The following PDZD2 variants were observed in gnomAD, a reference collection of about 807,000 sequenced individuals.
The protein encoded by PDZD2 is PDZ domain-containing protein 2.
In PDZD2, 90 loss-of-function variants were observed where a neutral mutation model predicts 220.7. That is an observed-to-expected ratio of 0.41 (90% CI 0.34 to 0.49). The LOEUF is 0.49. PDZD2 is among the 20% of genes least tolerant of loss of function. The pLI, the probability that PDZD2 is intolerant of heterozygous loss-of-function variation, is 0.28. For synonymous variants in PDZD2, 1,375 were observed against 1,450.5 expected (o/e 0.95, Z 1.18); for missense variants, 3,174 against 3,608.5 (o/e 0.88, Z 3.08).
intron 1 of PDZD2, among the ~76,000 whole-genome samples, chr5:31,782,977 G>A (rs1157454569): frequency 6.6e-6 from 1 of 152,094 alleles, no homozygotes; most frequent in East Asian, 1.9e-4. Flanking sequence ...GCCCCACAAA[G>A]TGCTGGGATT....
In PDZD2 at chr5:31,735,870, G is replaced by A. The variant is rs577400183; in HGVS notation, c.-360-63019G>A. 2.2e-4 allele frequency among the ~76,000 whole-genome samples: 33 copies of A among 152,258 alleles called. No homozygotes were observed. The South Asian group carries it at 4.6e-3, about 21-fold the overall frequency. ...TGAGGCAAGAGAATTGCTTGAACCC[G>A]GAAGGCAGAGGTTGCAGTGAGCCAA... On this transcript the variant is annotated intron_variant, in intron 1 of 24. Transcript: ENST00000438447.
At chr5:31,869,579 CAAAAGAA>C (rs1443994553) in intron 2 of PDZD2, among the ~76,000 whole-genome samples, 1 of 151,654 alleles carries the variant, frequency 6.6e-6, no homozygotes, top group Non-Finnish European at 1.5e-5. Flanking sequence ...AAAAAAAAAA[CAAAAGAA>C]AAAAGAAATG....
chr5:32,031,832 A>G (rs1218978349), intron 6 of PDZD2, among the ~76,000 whole-genome samples: 4 of 152,098 alleles, frequency 2.6e-5, no homozygotes, highest in Admixed American at 2.6e-4. Context: ...GGTATTTTTA[A>G]CTCTTTAAAC....
At chr5:31,816,550 G>A (rs539091218) in intron 2 of PDZD2, among the ~76,000 whole-genome samples, 1 of 152,188 alleles carries the variant, frequency 6.6e-6, no homozygotes, top group African/African-American at 2.4e-5. Context: ...ATAGTGATAT[G>A]ACTTTTCTTT....
intron 6 of PDZD2, among the ~76,000 whole-genome samples, chr5:32,024,657 T>A (rs1754476021): frequency 7.3e-6 from 1 of 137,712 alleles, no homozygotes; most frequent in African/African-American, 2.7e-5. Flanking sequence ...AACTCCAGCC[T>A]AGGCGACAGG....
rs574704071 is a variant in PDZD2 at position 31,998,285 on chromosome 5, C to T, written c.1122-1854C>T. ...TGGTCTTCCCATTCCCCTTCTCCCA[C>T]CATTCCAAACAACTAGTGGGGCCCT... is the stretch of plus-strand genomic sequence containing the variant. On this transcript the variant is annotated intron_variant, in intron 4 of 24. Transcript: ENST00000438447. Among the ~76,000 whole-genome samples, 32 of 152,342 alleles carry T rather than the reference C, an allele frequency of 2.1e-4. No homozygotes were observed. In the South Asian group the frequency reaches 6.6e-3, roughly 32 times the overall value.
chr5:31,751,366 A>G (rs1750962223), intron 1 of PDZD2, among the ~76,000 whole-genome samples: 1 of 152,082 alleles, frequency 6.6e-6, no homozygotes. Flanking sequence ...GGACCTTGCA[A>G]TTAAGAGGTC....
chr5:31,787,794 A>G (rs1319250514), intron 1 of PDZD2: 1 of 152,130 alleles, frequency 6.6e-6, no homozygotes, highest in African/African-American at 2.4e-5. Context: ...CTCATCCCCT[A>G]AAACCTCAGC....
At chr5:31,937,989 CAAA>C (rs1403835306) in intron 2 of PDZD2, among the ~76,000 whole-genome samples, 2 of 152,190 alleles carry the variant, frequency 1.3e-5, no homozygotes, top group African/African-American at 2.4e-5. Flanking sequence ...GTTGAAGAAA[CAAA>C]GAAGAATATA....
At chr5:31,913,165 T>C (rs920737320) in intron 2 of PDZD2, among the ~76,000 whole-genome samples, 16 of 151,884 alleles carry the variant, frequency 1.1e-4, no homozygotes, top group Non-Finnish European at 1.8e-4. Context: ...GGTCAGGAGT[T>C]CAAGACCAGC....
At chr5:31,662,965 T>G (rs1451302329) in intron 1 of PDZD2, among the ~76,000 whole-genome samples, 1 of 152,144 alleles carries the variant, frequency 6.6e-6, no homozygotes, top group Non-Finnish European at 1.5e-5. Context: ...CTATGGAGGT[T>G]AGGATTTCAG....
chr5:31,680,534 C>T (rs571791592), intron 1 of PDZD2, among the ~76,000 whole-genome samples: 1 of 152,082 alleles, frequency 6.6e-6, no homozygotes, highest in African/African-American at 2.4e-5. Context: ...AAAAATACTC[C>T]TCATTTATGC....
intron 3 of PDZD2, among the ~76,000 whole-genome samples, chr5:31,992,718 G>C (rs754221023): frequency 3.9e-5 from 6 of 152,082 alleles, no homozygotes; most frequent in Non-Finnish European, 5.9e-5. Context: ...TCTAAGAATG[G>C]TCCTTGTTGC....
rs531132456 is a variant in PDZD2, at chr5:32,048,654, G to A, written c.1635G>A (p.Pro545=). The change falls in exon 8 of 25, where the codon CCG becomes CCA. Residue 545 remains proline (P), a synonymous_variant. Transcript: ENST00000438447. ...VSRDGRKHSL[P]QLLDSSSASQ... ...GAGATGGCCGGAAACACTCCCTCCC[G>A]CAGCTGCTGGACTCTTCCAGTGCCT... is the stretch of plus-strand genomic sequence containing the variant. The A allele has an allele frequency of 1.5e-5, 24 of 1,614,090 alleles. No homozygotes were observed. Among genetic ancestry groups the A allele is most frequent in the East Asian group, 2.2e-5 (1 of 44,870 alleles).
intron 2 of PDZD2, among the ~76,000 whole-genome samples, chr5:31,969,001 G>C (rs1030745885): frequency 6.6e-6 from 1 of 152,240 alleles, no homozygotes; most frequent in Non-Finnish European, 1.5e-5. Flanking sequence ...TTGTGACGTT[G>C]GAATGGTGGG....
At position 31,641,979 on chromosome 5, in the gene PDZD2, T is replaced by C. The variant is rs113067753; in HGVS notation, c.-361+2542T>C. 6.1e-3 allele frequency among the ~76,000 whole-genome samples: 927 copies of C among 152,266 alleles called. 10 individuals carry two copies. The highest frequency in any genetic ancestry group is 0.021 in the African/African-American group (864 of 41,550). Reference sequence around the variant, plus strand: ...CCCCACTACCCCCGGCTGATCATACTGTAGGGTGTTGTGGAAACCCTCTCC... The same window carrying C: ...CCCCACTACCCCCGGCTGATCATACCGTAGGGTGTTGTGGAAACCCTCTCC... On this transcript the variant is annotated intron_variant, in intron 1 of 24. Coordinates refer to ENST00000438447, the MANE Select transcript of PDZD2 (RefSeq NM_178140.4).
At chr5:31,730,556 G>T (rs1042610022) in intron 1 of PDZD2, among the ~76,000 whole-genome samples, 2 of 118,892 alleles carry the variant, frequency 1.7e-5, no homozygotes, top group African/African-American at 3.8e-5. Flanking sequence ...CCAGGAGTTT[G>T]TGTGTGTGTG....
intron 6 of PDZD2, among the ~76,000 whole-genome samples, chr5:32,030,929 T>G (rs1382718923): frequency 6.6e-6 from 1 of 152,182 alleles, no homozygotes; most frequent in Non-Finnish European, 1.5e-5. Flanking sequence ...CTGTTAGAAT[T>G]TACTGAGGAT....
intron 6 of PDZD2, 108 bp from the exon 7 acceptor site, chr5:32,037,123 C>T: frequency 1.4e-6 from 1 of 690,382 alleles, no homozygotes; most frequent in African/African-American, 1.8e-5. Flanking sequence ...TCTCACATAA[C>T]ACCTGTATTG....
Sources: gnomAD v4.1 joint callset for allele counts (sites outside exome capture counted in the v4.1 genomes callset) on GRCh38, gnomAD v4.1.1 for gene constraint, MANE v1.5 for transcripts, NCBI Gene and HGNC (gene_info 2026-07-23, HGNC 2026-07-21) for gene names.